Variants in GSTK1 observed in about 807,000 individuals in gnomAD.
The protein encoded by GSTK1 is GST class-kappa.
In GSTK1, 25 loss-of-function variants were observed where a neutral mutation model predicts 30.9. The observed-to-expected ratio is 0.81, with a 90% CI of 0.59 to 1.13. GSTK1 has a LOEUF of 1.13. GSTK1 is among the 50% of genes most tolerant of loss of function. The pLI, the probability that GSTK1 is intolerant of heterozygous loss-of-function variation, is 0.00. For synonymous variants in GSTK1, 108 were observed against 112.5 expected (o/e 0.96, Z 0.25); for missense variants, 292 against 292.4 (o/e 1.00, Z 0.01).
intron 1 of GSTK1, chr7:143,263,834 A>G (rs1800787641): frequency 3.3e-6 from 2 of 602,908 alleles, no homozygotes; most frequent in South Asian, 4.0e-5. Context: ...GCGGCTCCAA[A>G]CATTCAGGGA....
At chr7:143,265,206 C>T in intron 4 of GSTK1, 55 bp from the exon 5 acceptor site, 2 of 1,606,256 alleles carry the variant, frequency 1.2e-6, no homozygotes, top group Non-Finnish European at 8.5e-7. Flanking sequence ...CTACTGTCCT[C>T]CCAGTCACAC....
rs779460183 is a variant in GSTK1, at chr7:143,264,999, G to T, written c.291G>T (p.Leu97Phe). The change falls in exon 4 of 8, where the codon TTG becomes TTT. Residue 97 changes from leucine (L) to phenylalanine (F), a missense_variant. Leu to Phe is a conservative substitution (Grantham distance 22, BLOSUM62 0). Transcript: ENST00000358406. The part of the protein sequence containing the change: ...FLSVMLEKGS[L>F]SAMRFLTAVN... The stretch of plus-strand genomic sequence containing the variant: ...GGTGCCTCTGCCCCACAGGAAGTTT[G>T]TCTGCCATGCGTTTCCTCACCGCCG... 3.2e-5 allele frequency: 51 copies of T among 1,613,770 alleles called. No homozygotes were observed. Among genetic ancestry groups the T allele is most frequent in the Middle Eastern group, 1.6e-4 (1 of 6,062 alleles).
chr7:143,263,915 G>T, intron 1 of GSTK1, 171 bp from the exon 2 acceptor site: 1 of 635,100 alleles, frequency 1.6e-6, no homozygotes, highest in Non-Finnish European at 2.8e-6. Context: ...CAGGAGCGAA[G>T]ATCCTGGAAT....
chr7:143,264,163 C>G lies in GSTK1; in HGVS notation c.150C>G (p.Asp50Glu), dbSNP rs147322993. The G allele has an allele frequency of 7.4e-6, 12 of 1,613,374 alleles. No individual in the cohort carries two copies. The African/African-American group carries it at 1.3e-4, about 18-fold the overall frequency. The change falls in exon 2 of 8, where the codon GAC becomes GAG. Residue 50 changes from aspartate (D) to glutamate (E), a missense_variant. Transcript: ENST00000358406. ...RPSLITGIMK[D>E]SGNKPPGLLP... ...GCCTCATAACAGGGATCATGAAAGA[C>G]AGTGGTAGGAAGGGAGGGTCGGGGC... is the stretch of plus-strand genomic sequence containing the variant.
At position 143,264,875 on chromosome 7, in the gene GSTK1, T is replaced by C. The variant is rs1800826660; in HGVS notation, c.284-117T>C. 7 of 1,291,538 alleles carry C rather than the reference T, an allele frequency of 5.4e-6. No individual in the cohort carries two copies. In the East Asian group the frequency reaches 1.4e-4, roughly 26 times the overall value. The allele number at this position is 1,291,538 out of a possible 1,614,324, so 80.0% of individuals were successfully genotyped here. A position where few individuals can be genotyped will look rare whatever the true frequency, so the allele number is the denominator to read the frequency against. On this transcript the variant is annotated intron_variant, in intron 3 of 7. Transcript: ENST00000358406. ...AGCAGGCAAATAGGTCATGGGAACC[T>C]TGGGTGAGAGGCTGAGGGCGGAGGA...
intron 5 of GSTK1, among the ~76,000 whole-genome samples, chr7:143,266,062 G>T (rs896692942): frequency 1.5e-5 from 2 of 132,288 alleles, no homozygotes; most frequent in Non-Finnish European, 3.1e-5. Flanking sequence ...ACACGGTCTG[G>T]CTCTGTCGCC....
Position 143,264,164 on chromosome 7 carries a change from A to G in GSTK1, c.151A>G (p.Ser51Gly). 6.2e-7 allele frequency: 1 copy of G among 1,613,086 alleles called. No individual in the cohort carries two copies. The highest frequency in any genetic ancestry group is 1.3e-5 in the African/African-American group (1 of 74,996). The change falls in exon 2 of 8, where the codon AGT becomes GGT. Residue 51 changes from serine to glycine, a missense_variant. Physicochemically the swap from Ser to Gly is moderately conservative, Grantham distance 56. Coordinates refer to ENST00000358406, the MANE Select transcript of GSTK1 (RefSeq NM_015917.3). Reference protein sequence around the residue: ...PSLITGIMKDSGNKPPGLLPR... With the variant: ...PSLITGIMKDGGNKPPGLLPR... ...CCTCATAACAGGGATCATGAAAGAC[A>G]GTGGTAGGAAGGGAGGGTCGGGGCA...
intron 5 of GSTK1, among the ~76,000 whole-genome samples, chr7:143,266,968 A>G (rs894164809): frequency 3.3e-5 from 5 of 152,080 alleles, no homozygotes; most frequent in African/African-American, 9.7e-5. Flanking sequence ...ATCTAGTTCT[A>G]AGGGATGACC....
Position 143,268,838 on chromosome 7 carries a change from G to C in GSTK1, c.*1G>C. 2 of 1,613,876 alleles carry C rather than the reference G, an allele frequency of 1.2e-6. No individual in the cohort carries two copies. Among genetic ancestry groups the C allele is most frequent in the Non-Finnish European group, 1.7e-6 (2 of 1,179,812 alleles). ...TCCAGCCGTGAATGCCAGACTTTAA[G>C]ATTGCCCGGAGGAAGCAAACTCTTC... On this transcript the variant is annotated 3_prime_UTR_variant, in exon 8 of 8. Coordinates refer to ENST00000358406, the MANE Select transcript of GSTK1 (RefSeq NM_015917.3). This position sits in a 1 kb window ranked among gnomAD's most constrained non-coding sequence, Gnocchi z 4.1.
At position 143,265,783 on chromosome 7, in the gene GSTK1, G is replaced by A. The variant is rs116773723; in HGVS notation, c.420+487G>A. Among the ~76,000 whole-genome samples the A allele has an allele frequency of 8.8e-4, 134 of 152,244 alleles. 1 individual carries two copies. The highest frequency in any genetic ancestry group is 3.0e-3 in the African/African-American group (126 of 41,540). ...AAACATTGACCAGTGAGCCATGGAT[G>A]GGGGTATAAAAGTAAGTTTGTCTTC... is the stretch of plus-strand genomic sequence containing the variant. On this transcript the variant is annotated intron_variant, in intron 5 of 7. Coordinates refer to ENST00000358406, the MANE Select transcript of GSTK1 (RefSeq NM_015917.3).
intron 1 of GSTK1, 185 bp from the exon 2 acceptor site, chr7:143,263,901 G>C: frequency 1.6e-6 from 1 of 619,598 alleles, no homozygotes; most frequent in South Asian, 2.0e-5. Flanking sequence ...GGGAAAACTG[G>C]CCACAGGAGC....
At chr7:143,264,457 G>A in intron 2 of GSTK1, 91 bp from the exon 3 acceptor site, 1 of 1,306,732 alleles carries the variant, frequency 7.7e-7, no homozygotes, top group Non-Finnish European at 1.1e-6. Flanking sequence ...AAAAAAGGAA[G>A]CTGCCCTCTG....
In GSTK1 at chr7:143,265,284, G is replaced by A; in HGVS notation, c.408G>A (p.Gln136=). ...AGAATGAAGACATCACCGAGCCGCAGAGCATCCTGGCGGTGAGTGTCCTGG... is the reference window on the plus strand; with the variant it reads ...AGAATGAAGACATCACCGAGCCGCAAAGCATCCTGGCGGTGAGTGTCCTGG... ...WSRNEDITEP[Q]SILAAAEKAG... The change falls in exon 5 of 8, where the codon CAG becomes CAA. Residue 136 remains glutamine (Q), a synonymous_variant. Transcript: ENST00000358406. 6.2e-7 allele frequency: 1 copy of A among 1,603,430 alleles called. No individual in the cohort carries two copies. The highest frequency in any genetic ancestry group is 8.5e-7 in the Non-Finnish European group (1 of 1,174,570).
Position 143,267,746 on chromosome 7 carries a change from T to C in GSTK1, c.537+13T>C, listed in dbSNP as rs1320075525. The C allele has an allele frequency of 2.6e-6, 4 of 1,541,684 alleles. No individual in the cohort carries two copies. The highest frequency in any genetic ancestry group is 3.6e-6 in the Non-Finnish European group (4 of 1,115,038). On this transcript the variant is annotated intron_variant, in intron 6 of 7. Coordinates refer to ENST00000358406, the MANE Select transcript of GSTK1 (RefSeq NM_015917.3). ...CTGCAGATACGGAGTGAGCAGCTCT[T>C]TATGTGTGTTCCCAGCACCCATCCT...
intron 1 of GSTK1, 113 bp downstream of exon 1, chr7:143,263,698 G>A (rs932865022): frequency 2.1e-6 from 2 of 964,486 alleles, no homozygotes; most frequent in East Asian, 2.4e-5. Context: ...CGCCCAAGGG[G>A]TTAAGGCAAG....
intron 6 of GSTK1, 46 bp downstream of exon 6, chr7:143,267,779 G>A (rs1329461349): frequency 7.6e-7 from 1 of 1,323,652 alleles, no homozygotes. Context: ...CCTGAAGATG[G>A]AGACTTGAGA....
rs749214061 is a variant in GSTK1, at chr7:143,263,508, T to C, written c.-6T>C. 2.5e-5 allele frequency: 40 copies of C among 1,609,282 alleles called. No homozygotes were observed. Among genetic ancestry groups the C allele is most frequent in the Non-Finnish European group, 3.2e-5 (38 of 1,179,850 alleles). On this transcript the variant is annotated 5_prime_UTR_variant, in exon 1 of 8. Transcript: ENST00000358406. ...CTGCTGCCACTGCTCTTCCGGAGCC[T>C]GCAGCATGGGGCCCCTGCCGCGCAC...
chr7:143,265,179 G>A, intron 4 of GSTK1, 82 bp from the exon 5 acceptor site: 1 of 1,608,070 alleles, frequency 6.2e-7, no homozygotes, highest in Admixed American at 1.7e-5. Context: ...TCATGATCCT[G>A]CCCCCGCCCG....
intron 5 of GSTK1, among the ~76,000 whole-genome samples, chr7:143,266,198 CTTT>C (rs1326455674): frequency 7.9e-5 from 12 of 151,524 alleles, no homozygotes; most frequent in Admixed American, 7.9e-4. Context: ...GTCTGGCTAA[CTTT>C]TTTATTTTTT....
Sources: gnomAD v4.1 joint callset for allele counts (sites outside exome capture counted in the v4.1 genomes callset) on GRCh38, gnomAD v4.1.1 for gene constraint, Gnocchi (gnomAD v3.1) non-coding constraint, MANE v1.5 for transcripts, NCBI Gene and HGNC (gene_info 2026-07-23, HGNC 2026-07-21) for gene names.